SLC44A5: variants seen among roughly 807,000 people sequenced by gnomAD.
SLC44A5 encodes the protein choline transporter-like protein 5.
SLC44A5 carries 57 observed loss-of-function variants against 101.8 expected under a neutral mutation model. The observed-to-expected ratio is 0.56, with a 90% CI of 0.45 to 0.70. The LOEUF (loss-of-function observed/expected upper bound fraction) is 0.70. SLC44A5 is among the 30% of genes least tolerant of loss of function. SLC44A5 has a pLI of 0.00. For missense variants in SLC44A5, 737 were observed against 853.1 expected (o/e 0.86, Z 1.70); for synonymous variants, 281 against 290.9 (o/e 0.97, Z 0.35).
chr1:75,230,559 C>A (rs1430166157), intron 12 of SLC44A5, among the ~76,000 whole-genome samples: 1 of 151,962 alleles, frequency 6.6e-6, no homozygotes, highest in Non-Finnish European at 1.5e-5. Context: ...GTGATTCTAT[C>A]TTTAATTCTT....
the SLC44A5 span, among the ~76,000 whole-genome samples, chr1:75,645,085 A>G: frequency 6.6e-6 from 1 of 152,274 alleles, no homozygotes; most frequent in East Asian, 1.9e-4. Flanking sequence ...CACAATAAAC[A>G]TATGTGTGCA....
upstream of SLC44A5, among the ~76,000 whole-genome samples, chr1:75,612,869 T>C (rs1675715900): frequency 1.3e-5 from 2 of 152,254 alleles, no homozygotes; most frequent in South Asian, 2.1e-4. Context: ...CTTGCATTTA[T>C]AAGACTTGTA....
At chr1:75,278,834 C>T (rs1180248562) in intron 5 of SLC44A5, among the ~76,000 whole-genome samples, 1 of 151,986 alleles carries the variant, frequency 6.6e-6, no homozygotes, top group Non-Finnish European at 1.5e-5. Flanking sequence ...ATTCTAACAA[C>T]AAAAAAGTAG....
At chr1:75,648,571 A>T in the SLC44A5 span, among the ~76,000 whole-genome samples, 1 of 152,110 alleles carries the variant, frequency 6.6e-6, no homozygotes, top group East Asian at 1.9e-4. Flanking sequence ...AGGGAAGGTC[A>T]GAGAGTGACC....
chr1:75,390,591 A>G (rs1439738540), intron 3 of SLC44A5, among the ~76,000 whole-genome samples: 1 of 152,146 alleles, frequency 6.6e-6, no homozygotes, highest in Non-Finnish European at 1.5e-5. Flanking sequence ...AATAGATGCA[A>G]AGAAAGCTTT....
Position 75,528,536 on chromosome 1 carries a change from C to T in SLC44A5, c.13+12899G>A, listed in dbSNP as rs139609482. Among the ~76,000 whole-genome samples, 5 of 152,212 alleles carry T rather than the reference C, an allele frequency of 3.3e-5. No homozygotes were observed. The East Asian group carries it at 9.7e-4, about 29-fold the overall frequency. On this transcript the variant is annotated intron_variant, in intron 2 of 23. Coordinates refer to ENST00000370859, the MANE Select transcript of SLC44A5 (RefSeq NM_001130058.2). ...TTATCATTTGTCAAATGCAGGCAAA[C>T]ATCTTCTTCTATGAAAACATGTGCG... is the stretch of plus-strand genomic sequence containing the variant.
chr1:75,681,431 T>G, the SLC44A5 span, among the ~76,000 whole-genome samples: 1 of 151,520 alleles, frequency 6.6e-6, no homozygotes, highest in Non-Finnish European at 1.5e-5. Flanking sequence ...GCTTCATCCC[T>G]GGGATGCAAG....
At chr1:75,287,554 G>T (rs988627545) in intron 5 of SLC44A5, among the ~76,000 whole-genome samples, 1 of 147,646 alleles carries the variant, frequency 6.8e-6, no homozygotes, top group East Asian at 2.1e-4. Context: ...TGTTTTTCTG[G>T]TTCCTTCTCA....
chr1:75,419,118 A>C (rs912568278), intron 2 of SLC44A5, among the ~76,000 whole-genome samples: 1 of 152,202 alleles, frequency 6.6e-6, no homozygotes, highest in Non-Finnish European at 1.5e-5. Flanking sequence ...GCAAAATATC[A>C]AGAATCTAAT....
chr1:75,232,968 A>G (rs1315450693), intron 12 of SLC44A5, among the ~76,000 whole-genome samples: 1 of 152,192 alleles, frequency 6.6e-6, no homozygotes, highest in Non-Finnish European at 1.5e-5. Context: ...CTACTACCAT[A>G]AAACTGTTGT....
chr1:75,527,392 A>G (rs1472100604), intron 2 of SLC44A5, among the ~76,000 whole-genome samples: 2 of 147,614 alleles, frequency 1.4e-5, no homozygotes, highest in East Asian at 4.9e-4. Flanking sequence ...ATCCTCCTGT[A>G]TGGGTCAGAT....
intron 3 of SLC44A5, among the ~76,000 whole-genome samples, chr1:75,343,301 CA>C (rs1162838774): frequency 6.6e-6 from 1 of 152,086 alleles, no homozygotes; most frequent in Non-Finnish European, 1.5e-5. Context: ...TGGTGGTTAA[CA>C]GTTGGTATTG....
At chr1:75,419,966 A>G (rs937401365) in intron 2 of SLC44A5, among the ~76,000 whole-genome samples, 1 of 152,128 alleles carries the variant, frequency 6.6e-6, no homozygotes, top group African/African-American at 2.4e-5. Context: ...GCTAAAATTC[A>G]TATGTTAAAA....
At chr1:75,580,849 C>G (rs211676) in intron 1 of SLC44A5, among the ~76,000 whole-genome samples, 3 of 148,616 alleles carry the variant, frequency 2.0e-5, no homozygotes, top group Admixed American at 6.7e-5. Context: ...AAAAAAAAAA[C>G]AAAGAAAAAG....
intron 1 of SLC44A5, among the ~76,000 whole-genome samples, chr1:75,572,977 G>T (rs1399301103): frequency 6.6e-6 from 1 of 151,676 alleles, no homozygotes; most frequent in East Asian, 1.9e-4. Flanking sequence ...ACAAAAATTA[G>T]CTGGGCATAG....
chr1:75,696,570 G>T, the SLC44A5 span, among the ~76,000 whole-genome samples: 2,859 of 152,278 alleles, frequency 0.019, 41 homozygotes, highest in Middle Eastern at 0.044. Flanking sequence ...TCAGCCAAGA[G>T]GTGGGAAATA....
intron 1 of SLC44A5, among the ~76,000 whole-genome samples, chr1:75,610,532 CAAAGA>C (rs1675598350): frequency 6.6e-6 from 1 of 152,050 alleles, no homozygotes; most frequent in Admixed American, 6.6e-5. Context: ...CATAAGAAAG[CAAAGA>C]ATACAAAAGA....
the SLC44A5 span, among the ~76,000 whole-genome samples, chr1:75,655,181 T>C: frequency 1.3e-5 from 2 of 152,320 alleles, no homozygotes; most frequent in South Asian, 2.1e-4. Context: ...ACAAAAGTTA[T>C]GTAGCTTCAG....
chr1:75,606,131 T>C (rs551304504), intron 1 of SLC44A5, among the ~76,000 whole-genome samples: 1 of 152,008 alleles, frequency 6.6e-6, no homozygotes, highest in African/African-American at 2.4e-5. Flanking sequence ...TTCTTTAAGA[T>C]CCTTTCAAGT....
Sources: gnomAD v4.1 joint callset for allele counts (sites outside exome capture counted in the v4.1 genomes callset) on GRCh38, gnomAD v4.1.1 for gene constraint, MANE v1.5 for transcripts, NCBI Gene and HGNC (gene_info 2026-07-23, HGNC 2026-07-21) for gene names.